PRPF31: variants seen among roughly 807,000 people sequenced by gnomAD.
PRPF31 encodes the protein pre-mRNA processing factor 31, also known as U4/U6 small nuclear ribonucleoprotein Prp31.
In PRPF31, 12 loss-of-function variants were observed where a neutral mutation model predicts 60.4. The observed-to-expected ratio is 0.20, with a 90% CI of 0.13 to 0.32. PRPF31 has a LOEUF of 0.32. Among genes scored for constraint, PRPF31 ranks in the 10% least tolerant of loss-of-function variants. PRPF31 has a pLI of 1.00. For missense variants in PRPF31, 431 were observed against 687.1 expected (o/e 0.63, Z 4.17); for synonymous variants, 287 against 287.9 (o/e 1.00, Z 0.03).
chr19:54,128,471 C>A, intron 11 of PRPF31, 94 bp downstream of exon 11: 2 of 1,304,500 alleles, frequency 1.5e-6, no homozygotes, highest in Admixed American at 4.0e-5. Context: ...GTCCTGTGGC[C>A]CTGGCTCATG....
rs761762752 is a variant in PRPF31 at position 54,123,885 on chromosome 19, A to G, written c.664A>G (p.Ile222Val). 40 of 1,613,786 alleles carry G rather than the reference A, an allele frequency of 2.5e-5. No homozygotes were observed. Among genetic ancestry groups the G allele is most frequent in the South Asian group, 1.9e-4 (17 of 91,084 alleles). Reference protein sequence around the residue: ...MSFIAPNLSIIIGASTAAKIM... With the variant: ...MSFIAPNLSIVIGASTAAKIM... ...CTTCATCGCACCCAACCTGTCCATCATTATCGGGGCATCCACGGCCGCCAA... is the reference window on the plus strand; with the variant it reads ...CTTCATCGCACCCAACCTGTCCATCGTTATCGGGGCATCCACGGCCGCCAA... Residue 222 changes from isoleucine (I) to valine (V), a missense_variant, in exon 7 of 14, where the codon ATT becomes GTT. Physicochemically the swap from Ile to Val is conservative, Grantham distance 29 (BLOSUM62 3). Around this residue, in one of 4 missense-constraint regions of PRPF31, gnomAD observed 314 missense variants for 475.3 expected, o/e 0.66. Transcript: ENST00000321030.
chr19:54,120,364 A>C (rs1229335170), intron 3 of PRPF31: 1 of 152,212 alleles, frequency 6.6e-6, no homozygotes, highest in Non-Finnish European at 1.5e-5. Flanking sequence ...AAGCTGTGGC[A>C]GTCCCTGTTT....
chr19:54,128,973 C>A, intron 11 of PRPF31, 84 bp from the exon 12 acceptor site: 1 of 1,417,952 alleles, frequency 7.1e-7, no homozygotes, highest in Admixed American at 2.0e-5. Context: ...GACCGCTGGG[C>A]TTCGGGCTGG....
chr19:54,128,943 C>T (rs2073988943), intron 11 of PRPF31, 114 bp from the exon 12 acceptor site: 5 of 1,115,646 alleles, frequency 4.5e-6, no homozygotes, highest in South Asian at 2.7e-5. Flanking sequence ...AGCAGGTGCC[C>T]GTGGGACCGG....
chr19:54,131,587 C>A lies in PRPF31; in HGVS notation c.*155C>A. ...GGAGGAGGCCTTGGAAGAGTCCGGC[C>A]TGGCCTCCCCCAGGACCGAGATCAC... On this transcript the variant is annotated 3_prime_UTR_variant, in exon 14 of 14. Coordinates refer to ENST00000321030, the MANE Select transcript of PRPF31 (RefSeq NM_015629.4). The A allele has an allele frequency of 8.4e-7, 1 of 1,190,604 alleles. No individual in the cohort carries two copies. The highest frequency in any genetic ancestry group is 1.2e-6 in the Non-Finnish European group (1 of 831,006). 73.8% of individuals were successfully genotyped at this position (1,190,604 alleles called of 1,614,324 possible).
At position 54,127,493 on chromosome 19, in the gene PRPF31, A is replaced by T. The variant is rs907436195; in HGVS notation, c.946-580A>T. Among the ~76,000 whole-genome samples the T allele has an allele frequency of 5.9e-4, 90 of 151,926 alleles. 1 individual carries two copies. The highest frequency in any genetic ancestry group is 2.4e-4 in the Non-Finnish European group (16 of 68,016). On this transcript the variant is annotated intron_variant, in intron 9 of 13. Coordinates refer to ENST00000321030, the MANE Select transcript of PRPF31 (RefSeq NM_015629.4). ...GCTCACAATCCTTAAAATCCTTCTT[A>T]ACCTCTTCACGTCCCTTTTGCCCTG...
At chr19:54,126,711 C>T (rs587750412) in intron 9 of PRPF31, 94 bp downstream of exon 9, 8 of 1,239,586 alleles carry the variant, frequency 6.5e-6, no homozygotes, top group Admixed American at 5.9e-5. Flanking sequence ...CCCACCCCAG[C>T]GAGCACTGTC....
rs1352810616 is a variant in PRPF31 at position 54,116,267 on chromosome 19, C to CGAT, written c.-9+471_-9+473dup. 3.3e-5 allele frequency among the ~76,000 whole-genome samples: 5 copies of CGAT among 151,192 alleles called. No individual in the cohort carries two copies. The Admixed American group carries it at 3.3e-4, about 10-fold the overall frequency. On this transcript the variant is annotated intron_variant, in intron 1 of 13. Transcript: ENST00000321030. Reference sequence around the variant, plus strand: ...TTGCCCAGGCTGGAGTGCAGTGGCGCGATCTCGGTTCACTGCAACCTCCGC... The same window carrying CGAT: ...TTGCCCAGGCTGGAGTGCAGTGGCGCGATGATCTCGGTTCACTGCAACCTCCGC...
rs2073853730 is a variant in PRPF31 at position 54,123,814 on chromosome 19, A to C, written c.593A>C (p.Asn198Thr). 6.2e-7 allele frequency: 1 copy of C among 1,613,342 alleles called. No individual in the cohort carries two copies. The highest frequency in any genetic ancestry group is 1.3e-5 in the African/African-American group (1 of 74,908). ...EEACDMALELNASKHRIYEYV... is the reference protein window; with the variant it reads ...EEACDMALELTASKHRIYEYV... The stretch of plus-strand genomic sequence containing the variant: ...GCCTGCGACATGGCGCTGGAGCTGA[A>C]CGCCTCCAAGCACCGCATCTACGAG... Residue 198 changes from asparagine to threonine, a missense_variant, in exon 7 of 14, where the codon AAC (asparagine) becomes ACC (threonine). Physicochemically the swap from Asn to Thr is moderately conservative, Grantham distance 65. Around this residue, in one of 4 missense-constraint regions of PRPF31, gnomAD observed 314 missense variants for 475.3 expected, o/e 0.66. Transcript: ENST00000321030.
intron 13 of PRPF31, among the ~76,000 whole-genome samples, chr19:54,129,583 G>A (rs755401648): frequency 4.1e-5 from 6 of 145,136 alleles, no homozygotes; most frequent in African/African-American, 1.3e-4. Context: ...TCGTGAGCAC[G>A]CACTGCTTTA....
At chr19:54,122,099 C>T (rs1454138752) in intron 4 of PRPF31, 156 bp downstream of exon 4, 4 of 799,724 alleles carry the variant, frequency 5.0e-6, no homozygotes, top group East Asian at 2.7e-5. Context: ...GAAGGAAGTG[C>T]GTTCTCTCGC....
intron 8 of PRPF31, 44 bp downstream of exon 8, chr19:54,124,700 C>G (rs368508378): frequency 1.3e-6 from 2 of 1,597,038 alleles, no homozygotes; most frequent in Non-Finnish European, 1.7e-6. Context: ...CCCCCTGGAG[C>G]CTTCCGCTGT....
chr19:54,116,814 G>A (rs760160134), intron 1 of PRPF31, among the ~76,000 whole-genome samples: 6 of 152,206 alleles, frequency 3.9e-5, no homozygotes, highest in Admixed American at 6.5e-5. Context: ...AGTGAGGAGA[G>A]CCAGACGCCA....
At chr19:54,125,281 G>A (rs2073892690) in intron 8 of PRPF31, 1 of 157,538 alleles carries the variant, frequency 6.3e-6, no homozygotes, top group South Asian at 1.9e-4. Flanking sequence ...GATCACCTGA[G>A]GTCAGGTGTT....
intron 3 of PRPF31, 48 bp from the exon 4 acceptor site, chr19:54,121,812 G>A (rs374780176): frequency 1.9e-6 from 3 of 1,549,048 alleles, no homozygotes; most frequent in Admixed American, 1.9e-5. Flanking sequence ...GGACCCGAGA[G>A]GGGGTAGGGA....
At chr19:54,124,887 C>T (rs1182259610) in intron 8 of PRPF31, 2 of 606,994 alleles carry the variant, frequency 3.3e-6, no homozygotes, top group Middle Eastern at 4.3e-4. Flanking sequence ...TCAGTCTCCT[C>T]CCCTATCAAA....
intron 13 of PRPF31, among the ~76,000 whole-genome samples, chr19:54,130,743 C>A (rs1203696414): frequency 1.3e-5 from 2 of 152,252 alleles, no homozygotes; most frequent in Middle Eastern, 3.4e-3. Flanking sequence ...GAAGATGAGG[C>A]CAGTGGCTGT....
chr19:54,130,523 G>A (rs1229459270), intron 13 of PRPF31, among the ~76,000 whole-genome samples: 1 of 152,144 alleles, frequency 6.6e-6, no homozygotes, highest in African/African-American at 2.4e-5. Context: ...TACTTGGGAG[G>A]CTGAGGCAGG....
At position 54,129,193 on chromosome 19, in the gene PRPF31, C is replaced by G; in HGVS notation, c.1275+8C>G. 1 of 1,591,344 alleles carries G rather than the reference C, an allele frequency of 6.3e-7. No individual in the cohort carries two copies. Among genetic ancestry groups the G allele is most frequent in the Non-Finnish European group, 8.6e-7 (1 of 1,169,340 alleles). ...ATCTCCAAGACGCTGCAGGTATGGG[C>G]CAGACCCAGGTGGGGCTGGGGACCG... On this transcript the variant is annotated splice_region_variant and intron_variant, in intron 12 of 13. Coordinates refer to ENST00000321030, the MANE Select transcript of PRPF31 (RefSeq NM_015629.4).
Sources: gnomAD v4.1 joint callset for allele counts (sites outside exome capture counted in the v4.1 genomes callset) on GRCh38, gnomAD v4.1.1 for gene constraint, gnomAD v4.1.1 regional missense constraint, MANE v1.5 for transcripts, NCBI Gene and HGNC (gene_info 2026-07-23, HGNC 2026-07-21) for gene names.